The following SEMA3A variants were observed in gnomAD, a reference collection of about 807,000 sequenced individuals.
SEMA3A encodes the protein semaphorin-3A.
In SEMA3A, 29 loss-of-function variants were observed where a neutral mutation model predicts 97.9. That is an observed-to-expected ratio of 0.30 (90% CI 0.22 to 0.40). The LOEUF is 0.40. SEMA3A is among the 10% of genes least tolerant of loss of function. SEMA3A has a pLI of 1.00. For missense variants in SEMA3A, 763 were observed against 951.3 expected (o/e 0.80, Z 2.60); for synonymous variants, 321 against 323.7 (o/e 0.99, Z 0.09).
intron 1 of SEMA3A, among the ~76,000 whole-genome samples, chr7:84,163,367 T>C (rs951650605): frequency 2.0e-5 from 3 of 152,054 alleles, no homozygotes; most frequent in South Asian, 2.1e-4. Flanking sequence ...CGAAGGTAGA[T>C]GGTAACAGCA....
In SEMA3A at chr7:84,134,962, A is replaced by G. The variant is rs1448898490; in HGVS notation, c.113-11T>C. The G allele has an allele frequency of 6.2e-7, 1 of 1,611,118 alleles. No individual in the cohort carries two copies. Among genetic ancestry groups the G allele is most frequent in the East Asian group, 2.2e-5 (1 of 44,816 alleles). ...TGGATTCCAACATTTCTGCAAGGTAACAAAGCAAAACATTGGGTATTAATG... is the reference window on the plus strand; with the variant it reads ...TGGATTCCAACATTTCTGCAAGGTAGCAAAGCAAAACATTGGGTATTAATG... On this transcript the variant is annotated splice_polypyrimidine_tract_variant and intron_variant, in intron 1 of 16. Coordinates refer to ENST00000265362, the MANE Select transcript of SEMA3A (RefSeq NM_006080.3).
At chr7:84,242,030 G>T (rs1012585750) in intron 3 of SEMA3A, among the ~76,000 whole-genome samples, 15 of 152,188 alleles carry the variant, frequency 9.9e-5, no homozygotes, top group African/African-American at 3.6e-4. Context: ...GGTCACTGTG[G>T]CCTTGTAGTA....
intron 1 of SEMA3A, among the ~76,000 whole-genome samples, chr7:84,411,744 C>A (rs1056222010): frequency 6.6e-6 from 1 of 151,942 alleles, no homozygotes; most frequent in African/African-American, 2.4e-5. Flanking sequence ...TTTCTCCTGG[C>A]AACATGAAAC....
At chr7:84,066,069 G>A (rs374885915) in intron 4 of SEMA3A, among the ~76,000 whole-genome samples, 32 of 150,704 alleles carry the variant, frequency 2.1e-4, no homozygotes, top group African/African-American at 4.7e-4. Flanking sequence ...AAGCTTATCC[G>A]CCATGATCAA....
At chr7:84,472,477 T>C (rs1428508586) in intron 1 of SEMA3A, among the ~76,000 whole-genome samples, 2 of 152,194 alleles carry the variant, frequency 1.3e-5, no homozygotes, top group African/African-American at 2.4e-5. Context: ...GTATTGTATT[T>C]GTATCATGAA....
chr7:84,411,583 T>A (rs1282007898), intron 1 of SEMA3A, among the ~76,000 whole-genome samples: 3 of 136,080 alleles, frequency 2.2e-5, no homozygotes, highest in African/African-American at 8.6e-5. Context: ...ATATATATAT[T>A]CATATTCTAG....
At chr7:84,479,646 A>C (rs1806391568) in intron 1 of SEMA3A, among the ~76,000 whole-genome samples, 1 of 152,198 alleles carries the variant, frequency 6.6e-6, no homozygotes, top group Non-Finnish European at 1.5e-5. Flanking sequence ...AAAATCGGGA[A>C]GGATATTTAA....
chr7:84,225,275 T>C (rs1798964112), intron 3 of SEMA3A, among the ~76,000 whole-genome samples: 1 of 152,122 alleles, frequency 6.6e-6, no homozygotes, highest in Admixed American at 6.6e-5. Context: ...GAACAGCATG[T>C]AATTCAATAA....
chr7:84,120,536 A>G (rs1312831048), intron 3 of SEMA3A, among the ~76,000 whole-genome samples: 2 of 152,168 alleles, frequency 1.3e-5, no homozygotes, highest in East Asian at 3.9e-4. Flanking sequence ...ATATTTACCC[A>G]CAAACAGATA....
chr7:84,110,693 C>CTTTT, intron 3 of SEMA3A, 104 bp from the exon 4 acceptor site: 2 of 1,057,714 alleles, frequency 1.9e-6, no homozygotes, highest in Non-Finnish European at 2.6e-6. Flanking sequence ...TGTTTTCTTT[C>CTTTT]TTTTTTTTTT....
intron 2 of SEMA3A, among the ~76,000 whole-genome samples, chr7:84,334,168 ATCT>A (rs1801977046): frequency 6.6e-6 from 1 of 152,152 alleles, no homozygotes. Flanking sequence ...CTCGGAATTG[ATCT>A]TTTTAAGAGT....
chr7:84,038,752 A>G (rs1792031739), intron 6 of SEMA3A, among the ~76,000 whole-genome samples: 1 of 152,180 alleles, frequency 6.6e-6, no homozygotes, highest in African/African-American at 2.4e-5. Context: ...GAATTAACCT[A>G]ATTGTTTATT....
chr7:84,166,881 C>CAAAA (rs11476617), intron 1 of SEMA3A, among the ~76,000 whole-genome samples: 1 of 85,534 alleles, frequency 1.2e-5, no homozygotes, highest in African/African-American at 4.6e-5. Context: ...TCCTCTGTCT[C>CAAAA]AAAAAAAAAA....
chr7:84,143,940 CTCTCTCTCTA>C (rs1221308371), intron 1 of SEMA3A, among the ~76,000 whole-genome samples: 4 of 141,860 alleles, frequency 2.8e-5, no homozygotes, highest in Non-Finnish European at 6.1e-5. Context: ...CTCTCTCTCT[CTCTCTCTCTA>C]ACACACACAC....
intron 2 of SEMA3A, among the ~76,000 whole-genome samples, chr7:84,340,534 T>A (rs1330347301): frequency 6.6e-6 from 1 of 152,052 alleles, no homozygotes; most frequent in Non-Finnish European, 1.5e-5. Context: ...ATCCCAGCAC[T>A]TTGGGAGGCC....
chr7:84,192,428 G>A (rs550664857), intron 1 of SEMA3A, among the ~76,000 whole-genome samples: 20 of 151,860 alleles, frequency 1.3e-4, no homozygotes, highest in Middle Eastern at 6.8e-3. Flanking sequence ...TAAGCTCTAG[G>A]TGTATCAATG....
At chr7:84,135,057 T>C (rs547295218) in intron 1 of SEMA3A, 106 bp from the exon 2 acceptor site, 1 of 771,990 alleles carries the variant, frequency 1.3e-6, no homozygotes, top group South Asian at 2.2e-5. Flanking sequence ...TAGTTATCAA[T>C]CAGTGCTTAT....
At chr7:84,375,323 A>G (rs1803071287) in intron 1 of SEMA3A, among the ~76,000 whole-genome samples, 1 of 152,096 alleles carries the variant, frequency 6.6e-6, no homozygotes, top group South Asian at 2.1e-4. Context: ...CCTGGCCAGA[A>G]AAAGTAATAT....
rs547120394 is a variant in SEMA3A, at chr7:84,380,446, ACT to A, written c.-245-8548_-245-8547del. ...TTTGTGTGATATGGGTTACAGGAAA[ACT>A]CTGAGTACTATTCAGAGGAGGTGAT... On this transcript the variant is annotated intron_variant, in intron 1 of 3. Coordinates refer to the SEMA3A transcript ENST00000424555. 2.0e-5 allele frequency among the ~76,000 whole-genome samples: 3 copies of A among 152,204 alleles called. No homozygotes were observed. In the South Asian group the frequency reaches 6.2e-4, roughly 32 times the overall value.
Sources: allele counts gnomAD v4.1 joint callset (sites outside exome capture counted in the v4.1 genomes callset), GRCh38; gene constraint gnomAD v4.1.1; transcripts MANE v1.5; gene names NCBI Gene and HGNC (gene_info 2026-07-23, HGNC 2026-07-21).